ZIC4: variants seen among roughly 807,000 people sequenced by gnomAD.
The protein encoded by ZIC4 is zinc finger protein ZIC 4.
In ZIC4, 15 loss-of-function variants were observed where a neutral mutation model predicts 28.8. That is an observed-to-expected ratio of 0.52 (90% confidence interval 0.35 to 0.80). The LOEUF (loss-of-function observed/expected upper bound fraction) is 0.80, where lower values mean the gene tolerates loss of function less well. ZIC4 is among the 30% of genes least tolerant of loss of function. ZIC4 has a pLI of 0.01. For synonymous variants in ZIC4, 220 were observed against 198.1 expected, an observed-to-expected ratio of 1.11 and a Z score of -0.93; for missense variants, 512 against 467.1, an observed-to-expected ratio of 1.10 and a Z score of -0.89.
chr3:147,390,969 C>G lies in ZIC4; in HGVS notation c.966G>C (p.Ser322=), dbSNP rs17509456. ...DCGHKSQVAS[S]AAVAARTADL... ...CGGCGGTACGCGCCGCCACCGCCGC[C>G]GAGGAGGCCACCTGGGACTTGTGGC... The change falls in exon 4 of 5, where the codon TCG becomes TCC. Residue 322 remains serine (S), a synonymous_variant. Transcript: ENST00000383075. The G allele has an allele frequency of 0.038, 61,091 of 1,612,086 alleles. 1,389 individuals carry two copies. Among genetic ancestry groups the G allele is most frequent in the Middle Eastern group, 0.05 (300 of 6,010 alleles).
At position 147,388,772 on chromosome 3, in the gene ZIC4, T is replaced by G; in HGVS notation, c.*87A>C. On this transcript the variant is annotated 3_prime_UTR_variant, in exon 5 of 5. Coordinates refer to ENST00000383075, the MANE Select transcript of ZIC4 (RefSeq NM_032153.6). ...ACCGTGGCGAAGAAACACTGCTTTG[T>G]GCGCGGGCCCTTTGATGTAGCAGGC... The G allele has an allele frequency of 1.3e-6, 1 of 752,284 alleles. No homozygotes were observed. The highest frequency in any genetic ancestry group is 2.5e-6 in the Non-Finnish European group (1 of 407,916). The allele number at this position is 752,284 out of a possible 1,614,324, so 46.6% of individuals were successfully genotyped here.
At chr3:147,404,613 C>T (rs938011277) in intron 1 of ZIC4, among the ~76,000 whole-genome samples, 5 of 152,316 alleles carry the variant, frequency 3.3e-5, no homozygotes, top group Admixed American at 6.5e-5. Flanking sequence ...TCAACCACGG[C>T]CTCCTAATTA....
chr3:147,404,130 G>C, intron 1 of ZIC4: 1 of 1,533,248 alleles, frequency 6.5e-7, no homozygotes, highest in Non-Finnish European at 8.7e-7. Flanking sequence ...ATTTCCTCAT[G>C]GCAGGATGTC....
chr3:147,405,521 A>G, intron 1 of ZIC4: 1 of 1,520,470 alleles, frequency 6.6e-7, no homozygotes, highest in Non-Finnish European at 8.8e-7. Flanking sequence ...GCTTTCTTTC[A>G]CAGCTCAGCT....
chr3:147,394,054 G>A, intron 3 of ZIC4: 1 of 442,398 alleles, frequency 2.3e-6, no homozygotes, highest in Non-Finnish European at 4.5e-6. Context: ...CTGTTGAATC[G>A]AGAACTGTCT....
intron 2 of ZIC4, among the ~76,000 whole-genome samples, chr3:147,400,299 C>T (rs1250079740): frequency 6.6e-6 from 1 of 152,200 alleles, no homozygotes; most frequent in Non-Finnish European, 1.5e-5. Flanking sequence ...ATACTACACA[C>T]TTTCTGTTAG....
At chr3:147,394,961 C>T (rs181972649) in intron 3 of ZIC4, among the ~76,000 whole-genome samples, 44 of 152,278 alleles carry the variant, frequency 2.9e-4, no homozygotes, top group African/African-American at 9.4e-4. Flanking sequence ...CTCCTGTCCC[C>T]ACCAGTCCCC....
In ZIC4 at chr3:147,388,832, A is replaced by G. The variant is rs752643452; in HGVS notation, c.*27T>C. 12 of 779,508 alleles carry G rather than the reference A, an allele frequency of 1.5e-5. No homozygotes were observed. Among genetic ancestry groups the G allele is most frequent in the Non-Finnish European group, 2.9e-5 (12 of 417,762 alleles). 48.3% of individuals were successfully genotyped at this position (779,508 alleles called of 1,614,324 possible). On this transcript the variant is annotated 3_prime_UTR_variant, in exon 5 of 5. Coordinates refer to ENST00000383075, the MANE Select transcript of ZIC4 (RefSeq NM_032153.6). ...GGGGCGCTCAGCTGCGCGGAGCGAG[A>G]TTACCTTGCGAGCAACGCGGTGGAC...
At chr3:147,388,932 G>T in intron 4 of ZIC4, 73 bp from the exon 5 acceptor site, 1 of 767,826 alleles carries the variant, frequency 1.3e-6, no homozygotes, top group Non-Finnish European at 2.4e-6. Flanking sequence ...CATTATTTTA[G>T]ATTGAGATAG....
intron 3 of ZIC4, 127 bp downstream of exon 3, chr3:147,395,724 TG>T: frequency 7.2e-7 from 1 of 1,389,422 alleles, no homozygotes; most frequent in Non-Finnish European, 9.7e-7. Context: ...TAATATTTTA[TG>T]GCCTTGGCTC....
chr3:147,392,394 C>G, intron 3 of ZIC4: 1 of 985,496 alleles, frequency 1.0e-6, no homozygotes, highest in Non-Finnish European at 1.2e-6. Context: ...ACAATATTGG[C>G]CGGACCGAGC....
At chr3:147,404,307 G>C (rs757807119) in intron 1 of ZIC4, 4 of 1,407,124 alleles carry the variant, frequency 2.8e-6, no homozygotes, top group Non-Finnish European at 3.7e-6. Context: ...TCAGCCTTTT[G>C]TGCACTACAG....
At chr3:147,399,479 C>T (rs1038015877) in intron 2 of ZIC4, among the ~76,000 whole-genome samples, 1 of 152,122 alleles carries the variant, frequency 6.6e-6, no homozygotes, top group African/African-American at 2.4e-5. Flanking sequence ...TTTTACTATC[C>T]GCATCTTAAC....
chr3:147,396,411 G>A lies in ZIC4; in HGVS notation c.129C>T (p.Phe43=), dbSNP rs776301283. 2 of 1,524,426 alleles carry A rather than the reference G, an allele frequency of 1.3e-6. No homozygotes were observed. The allele number at this position is 1,524,426 out of a possible 1,614,324, so 94.4% of individuals were successfully genotyped here. Residue 43 remains phenylalanine, a synonymous_variant, in exon 3 of 5, where the codon TTC becomes TTT. Transcript: ENST00000383075. This position sits in a 1 kb window ranked among gnomAD's most constrained non-coding sequence, Gnocchi z 4.2. ...GGGGAGGCTCCTCGTGGAGGCCCGG[G>A]AACACCGAGGGGCTGGAGGCGGCGG... ...QLTAASSPSV[F]PGLHEEPPQA...
At chr3:147,400,217 TG>T (rs1392226123) in intron 2 of ZIC4, among the ~76,000 whole-genome samples, 1 of 152,200 alleles carries the variant, frequency 6.6e-6, no homozygotes, top group Non-Finnish European at 1.5e-5. Context: ...ATGGGCCCTC[TG>T]GAATTCTAAC....
At position 147,386,850 on chromosome 3, in the gene ZIC4, G is replaced by A. The variant is rs575059835; in HGVS notation, c.*2009C>T. 16 of 152,262 alleles carry A rather than the reference G, an allele frequency of 1.1e-4. No homozygotes were observed. Among genetic ancestry groups the A allele is most frequent in the Non-Finnish European group, 1.9e-4 (13 of 68,012 alleles). The allele number at this position is 152,262 out of a possible 1,614,324, so 9.4% of individuals were successfully genotyped here. A position where few individuals can be genotyped will look rare whatever the true frequency, so the allele number is the denominator to read the frequency against. Reference sequence around the variant, plus strand: ...TTCAGCTATTCTCCTTCTTATTAACGGCAGAAAGGGCTTGTTGATTGCTGC... The same window carrying A: ...TTCAGCTATTCTCCTTCTTATTAACAGCAGAAAGGGCTTGTTGATTGCTGC... On this transcript the variant is annotated 3_prime_UTR_variant, in exon 5 of 5. Transcript: ENST00000383075.
At chr3:147,392,002 G>A (rs1445935903) in intron 3 of ZIC4, 1 of 985,222 alleles carries the variant, frequency 1.0e-6, no homozygotes, top group Non-Finnish European at 1.2e-6. Flanking sequence ...AGATACGCTC[G>A]CCAGTAATAA....
chr3:147,396,183 G>A lies in ZIC4; in HGVS notation c.357C>T (p.Tyr119=). The A allele has an allele frequency of 1.9e-6, 3 of 1,614,134 alleles. No individual in the cohort carries two copies. Among genetic ancestry groups the A allele is most frequent in the Non-Finnish European group, 2.5e-6 (3 of 1,180,018 alleles). ...APHGPGAFFR[Y]MRQPIKQELI... ...GCTCCTGTTTGATGGGCTGGCGCATGTAGCGGAAGAAAGCGCCAGGACCGT... is the reference window on the plus strand; with the variant it reads ...GCTCCTGTTTGATGGGCTGGCGCATATAGCGGAAGAAAGCGCCAGGACCGT... Residue 119 remains tyrosine (Y), a synonymous_variant, in exon 3 of 5, where the codon TAC becomes TAT. Coordinates refer to ENST00000383075, the MANE Select transcript of ZIC4 (RefSeq NM_032153.6). This position sits in a 1 kb window ranked among gnomAD's most constrained non-coding sequence, Gnocchi z 4.2.
Position 147,396,432 on chromosome 3 carries a change from G to A in ZIC4, c.108C>T (p.Ala36=). The A allele has an allele frequency of 1.3e-6, 2 of 1,521,328 alleles. No individual in the cohort carries two copies. The highest frequency in any genetic ancestry group is 1.8e-6 in the Non-Finnish European group (2 of 1,138,564). 94.2% of individuals were successfully genotyped at this position (1,521,328 alleles called of 1,614,324 possible). The change falls in exon 3 of 5, where the codon GCC becomes GCT. Residue 36 remains alanine (A), a synonymous_variant. Coordinates refer to ENST00000383075, the MANE Select transcript of ZIC4 (RefSeq NM_032153.6). The surrounding 1 kb of genome is among the most constrained non-coding windows in gnomAD (Gnocchi z 4.2). The stretch of plus-strand genomic sequence containing the variant: ...CCGGGAACACCGAGGGGCTGGAGGC[G>A]GCGGTGAGCTGGGGGCCATGGTGTC... ...SSGHHGPQLT[A]ASSPSVFPGL... is the part of the protein sequence containing the mutation.
Sources: gnomAD v4.1 joint callset for allele counts (sites outside exome capture counted in the v4.1 genomes callset) on GRCh38, gnomAD v4.1.1 for gene constraint, Gnocchi (gnomAD v3.1) non-coding constraint, MANE v1.5 for transcripts, NCBI Gene and HGNC (gene_info 2026-07-23, HGNC 2026-07-21) for gene names.